CALY: variants seen among roughly 807,000 people sequenced by gnomAD.
CALY encodes the protein neuron-specific vesicular protein calcyon.
A neutral mutation model predicts 20.2 loss-of-function variants in CALY; 15 were observed. The ratio of observed to expected loss-of-function variants is 0.74; its 90% CI spans 0.50 to 1.14. CALY has a LOEUF of 1.14. Ranked by LOEUF, CALY falls within the 50% of genes most tolerant of loss-of-function variation. CALY has a pLI of 0.00. For missense variants in CALY, 270 were observed against 304.4 expected (o/e 0.89, Z 0.84); for synonymous variants, 129 against 131.8 (o/e 0.98, Z 0.15).
intron 3 of CALY, 23 bp downstream of exon 3, chr10:133,327,882 G>A (rs1235389468): frequency 6.8e-7 from 1 of 1,469,952 alleles, no homozygotes; most frequent in South Asian, 1.2e-5. Flanking sequence ...AGTCCCCACA[G>A]TGGGTGGGGT....
In CALY at chr10:133,331,240, G is replaced by C. The variant is rs528264966; in HGVS notation, c.-20-2231C>G. 2.6e-5 allele frequency among the ~76,000 whole-genome samples: 4 copies of C among 152,236 alleles called. No individual in the cohort carries two copies. In the East Asian group the frequency reaches 7.7e-4, roughly 29 times the overall value. ...GAATCCTGAAAGTGCCTCGATCTGC[G>C]GTTCTACAAGTTATGGTGCTGGAGG... On this transcript the variant is annotated intron_variant, in intron 1 of 5. Coordinates refer to ENST00000252939, the MANE Select transcript of CALY (RefSeq NM_015722.4).
intron 2 of CALY, among the ~76,000 whole-genome samples, chr10:133,328,320 AG>A (rs1848247611): frequency 6.6e-6 from 1 of 152,020 alleles, no homozygotes; most frequent in African/African-American, 2.4e-5. Flanking sequence ...CTTGGCCAGC[AG>A]GGGTGGTCCT....
intron 1 of CALY, among the ~76,000 whole-genome samples, chr10:133,330,974 G>A (rs1396963241): frequency 6.6e-6 from 1 of 152,140 alleles, no homozygotes; most frequent in African/African-American, 2.4e-5. Context: ...TGACAGTTTG[G>A]GTGTATTCTG....
At chr10:133,329,130 A>C (rs1848260971) in intron 1 of CALY, 121 bp from the exon 2 acceptor site, 2 of 840,624 alleles carry the variant, frequency 2.4e-6, no homozygotes, top group East Asian at 5.4e-5. Flanking sequence ...AGCCAGGGAC[A>C]GGCTGTAAGT....
intron 1 of CALY, among the ~76,000 whole-genome samples, chr10:133,332,616 T>C (rs1468407063): frequency 6.6e-6 from 1 of 152,136 alleles, no homozygotes; most frequent in Non-Finnish European, 1.5e-5. Context: ...GGGTGCATTG[T>C]GGGTTGAATG....
At chr10:133,329,392 C>CTTT (rs112012967) in intron 1 of CALY, among the ~76,000 whole-genome samples, 1 of 137,444 alleles carries the variant, frequency 7.3e-6, no homozygotes, top group Non-Finnish European at 1.5e-5. Flanking sequence ...TCTTCTTCTT[C>CTTT]TTTTTTTTTT....
rs1306430724 is a variant in CALY at position 133,324,486 on chromosome 10, A to G, written c.*1109T>C. 1 of 426,412 alleles carries G rather than the reference A, an allele frequency of 2.3e-6. No homozygotes were observed. Among genetic ancestry groups the G allele is most frequent in the African/African-American group, 2.2e-5 (1 of 45,596 alleles). The allele number at this position is 426,412 out of a possible 1,614,324, so 26.4% of individuals were successfully genotyped here. ...GGGGCTGGGGTGGGCGGGGCTGCAG[A>G]GCCGCTGCTGGCTGGGGTGGGCGGG... On this transcript the variant is annotated 3_prime_UTR_variant, in exon 6 of 6. Coordinates refer to ENST00000252939, the MANE Select transcript of CALY (RefSeq NM_015722.4).
rs376254611 is a variant in CALY, at chr10:133,327,889, G to A, written c.246+16C>T. 18 of 1,535,844 alleles carry A rather than the reference G, an allele frequency of 1.2e-5. No individual in the cohort carries two copies. Among genetic ancestry groups the A allele is most frequent in the Middle Eastern group, 1.7e-4 (1 of 5,912 alleles). ...CTGTCCTGAGTCCCCACAGTGGGTG[G>A]GGTGGGTGTGGTTACCCTGCGCCCT... On this transcript the variant is annotated intron_variant, in intron 3 of 5. Coordinates refer to ENST00000252939, the MANE Select transcript of CALY (RefSeq NM_015722.4).
At chr10:133,336,008 C>A (rs1042878934) in intron 1 of CALY, among the ~76,000 whole-genome samples, 99 of 152,230 alleles carry the variant, frequency 6.5e-4, no homozygotes, top group Non-Finnish European at 1.2e-3. Flanking sequence ...TGCGCCCCCC[C>A]CAACCATGGA....
chr10:133,335,525 C>T (rs895611940), intron 1 of CALY, among the ~76,000 whole-genome samples: 1 of 152,216 alleles, frequency 6.6e-6, no homozygotes, highest in Non-Finnish European at 1.5e-5. Context: ...AAGAAAAAGC[C>T]ATTGGGGGCC....
intron 1 of CALY, among the ~76,000 whole-genome samples, chr10:133,332,166 G>T (rs1383348132): frequency 6.6e-6 from 1 of 151,210 alleles, no homozygotes; most frequent in Non-Finnish European, 1.5e-5. Context: ...GGTCTCATCT[G>T]CCAGGGTCTA....
intron 3 of CALY, among the ~76,000 whole-genome samples, 159 bp from the exon 4 acceptor site, chr10:133,327,150 G>A (rs1848228212): frequency 6.6e-6 from 1 of 152,212 alleles, no homozygotes; most frequent in Non-Finnish European, 1.5e-5. Flanking sequence ...CTTTTCCGAG[G>A]GTCAAGTGTG....
chr10:133,328,584 A>G (rs1848252045), intron 2 of CALY, among the ~76,000 whole-genome samples: 1 of 152,164 alleles, frequency 6.6e-6, no homozygotes, highest in Non-Finnish European at 1.5e-5. Context: ...TGAGTGCCCT[A>G]TGGACAGCAC....
chr10:133,328,116 GGTGTTGAC>G (rs1848244545), intron 2 of CALY, 101 bp from the exon 3 acceptor site: 4 of 744,616 alleles, frequency 5.4e-6, no homozygotes, highest in Non-Finnish European at 9.4e-6. Context: ...TCGTGGCAGT[GGTGTTGAC>G]GCTGACCCAT....
At chr10:133,327,134 T>C (rs1848227968) in intron 3 of CALY, 143 bp from the exon 4 acceptor site, 1 of 643,974 alleles carries the variant, frequency 1.6e-6, no homozygotes, top group Non-Finnish European at 2.8e-6. Flanking sequence ...CCAGTGGCTT[T>C]TCCAACTTTT....
chr10:133,336,413 G>T (rs1011884192), intron 1 of CALY, among the ~76,000 whole-genome samples: 1 of 134,232 alleles, frequency 7.4e-6, no homozygotes, highest in Non-Finnish European at 1.6e-5. Flanking sequence ...GCTCTGGTCC[G>T]ACGCCCCTTC....
chr10:133,335,372 G>C (rs979699798), intron 1 of CALY, among the ~76,000 whole-genome samples: 2 of 152,166 alleles, frequency 1.3e-5, no homozygotes, highest in African/African-American at 4.8e-5. Context: ...CCGAACCCCC[G>C]CTCGGGCAGG....
intron 1 of CALY, among the ~76,000 whole-genome samples, chr10:133,330,392 T>C (rs1160006209): frequency 3.3e-4 from 43 of 130,640 alleles, no homozygotes; most frequent in African/African-American, 1.2e-3. Flanking sequence ...GCGCGGTGGC[T>C]CACGCCTGTA....
intron 1 of CALY, among the ~76,000 whole-genome samples, chr10:133,330,311 C>CCA (rs1848281765): frequency 7.2e-6 from 1 of 139,840 alleles, no homozygotes; most frequent in Non-Finnish European, 1.5e-5. Context: ...CGAGATCACG[C>CCA]CACTGCACTC....
Sources: gnomAD v4.1 joint callset for allele counts (sites outside exome capture counted in the v4.1 genomes callset) on GRCh38, gnomAD v4.1.1 for gene constraint, MANE v1.5 for transcripts, NCBI Gene and HGNC (gene_info 2026-07-23, HGNC 2026-07-21) for gene names.